The following DST variants were observed in gnomAD, a reference collection of about 807,000 sequenced individuals.
DST encodes bullous pemphigoid antigen.
DST carries 253 observed loss-of-function variants against 875.2 expected under a neutral mutation model. The ratio of observed to expected loss-of-function variants is 0.29; its 90% CI spans 0.26 to 0.32. The LOEUF is 0.32. Ranked by LOEUF, DST falls within the 10% of genes least tolerant of loss-of-function variation. The pLI is 1.00. For missense variants in DST, 8,287 were observed against 9,111.6 expected (o/e 0.91, Z 3.68); for synonymous variants, 3,124 against 3,197.1 (o/e 0.98, Z 0.77).
intron 74 of DST, 150 bp from the exon 75 acceptor site, chr6:56,508,905 T>C (rs1296971101): frequency 3.2e-6 from 2 of 621,512 alleles, no homozygotes; most frequent in Non-Finnish European, 5.6e-6. Flanking sequence ...CCAGTGGATA[T>C]CAGTGGGTCC....
rs148940512 is a variant in DST at position 56,726,409 on chromosome 6, G to A, written c.687+8819C>T. 4.1e-4 allele frequency among the ~76,000 whole-genome samples: 63 copies of A among 152,314 alleles called. 1 individual carries two copies. In the East Asian group the frequency reaches 0.01, roughly 25 times the overall value. On this transcript the variant is annotated intron_variant, in intron 5 of 103. Transcript: ENST00000680361. The stretch of plus-strand genomic sequence containing the variant: ...GAAAAGAATATCTTAGACCTTCAAA[G>A]AAACCTGGCTACATCTACAATAAGA...
chr6:56,498,797 A>C (rs2096011512), intron 80 of DST, among the ~76,000 whole-genome samples: 1 of 152,142 alleles, frequency 6.6e-6, no homozygotes, highest in African/African-American at 2.4e-5. Context: ...CTAAGTTGAA[A>C]TATTGGAAGG....
Position 56,660,197 on chromosome 6 carries a change from C to T in DST, c.1215-8953G>A, listed in dbSNP as rs540601240. Among the ~76,000 whole-genome samples the T allele has an allele frequency of 5.3e-5, 8 of 152,292 alleles. No homozygotes were observed. In the South Asian group the frequency reaches 1.2e-3, roughly 24 times the overall value. ...GAAATCAATCTACCCTGAAGTATCG[C>T]TTTCTCTGGTGTGCTTCCTGTGTGG... On this transcript the variant is annotated intron_variant, in intron 10 of 103. Transcript: ENST00000680361.
chr6:56,870,484 C>G (rs564465242), intron 3 of DST, among the ~76,000 whole-genome samples: 2 of 150,510 alleles, frequency 1.3e-5, no homozygotes, highest in African/African-American at 4.9e-5. Context: ...ACAAAGCAGC[C>G]AGGCACAGTG....
intron 4 of DST, among the ~76,000 whole-genome samples, chr6:56,801,117 G>C (rs71564855): frequency 0.17 from 25,208 of 149,052 alleles, 2,329 homozygotes; most frequent in Non-Finnish European, 0.19. Context: ...ACATTATGTT[G>C]CCCCAAAGAA....
intron 57 of DST, 86 bp downstream of exon 57, chr6:56,561,222 A>G: frequency 7.1e-7 from 1 of 1,416,708 alleles, no homozygotes; most frequent in Non-Finnish European, 9.4e-7. Context: ...AAGAAAACAG[A>G]GCAGAGCTTC....
In DST at chr6:56,615,797, T is replaced by G. The variant is rs2098608632; in HGVS notation, c.4930-1313A>C. 3 of 1,614,136 alleles carry G rather than the reference T, an allele frequency of 1.9e-6. No individual in the cohort carries two copies. The highest frequency in any genetic ancestry group is 2.5e-6 in the Non-Finnish European group (3 of 1,180,012). ...CAACCCTCCTGTCAAGTACTGAAATTCCAAACATCGGATTCCCATTTCCTT... is the reference window on the plus strand; with the variant it reads ...CAACCCTCCTGTCAAGTACTGAAATGCCAAACATCGGATTCCCATTTCCTT... On this transcript the variant is annotated intron_variant, in intron 36 of 103. Coordinates refer to ENST00000680361, the MANE Select transcript of DST (RefSeq NM_001374736.1).
chr6:56,869,950 T>C (rs1015063096), intron 3 of DST, among the ~76,000 whole-genome samples: 3 of 152,120 alleles, frequency 2.0e-5, no homozygotes, highest in African/African-American at 7.2e-5. Context: ...CCTCCTAAAG[T>C]GCTGGGATTA....
At chr6:56,661,815 T>C (rs111517916) in intron 10 of DST, among the ~76,000 whole-genome samples, 18,672 of 152,148 alleles carry the variant, frequency 0.12, 2,514 homozygotes, top group African/African-American at 0.34. Flanking sequence ...CTTGAACTCC[T>C]GACCTCGGGT....
At chr6:56,927,103 A>T (rs957096357) in intron 2 of DST, among the ~76,000 whole-genome samples, 1 of 152,228 alleles carries the variant, frequency 6.6e-6, no homozygotes, top group African/African-American at 2.4e-5. Context: ...TGCCTGTTTC[A>T]CAGTTTGATC....
At chr6:56,738,461 C>T (rs1041942291) in intron 4 of DST, among the ~76,000 whole-genome samples, 1 of 152,166 alleles carries the variant, frequency 6.6e-6, no homozygotes, top group Admixed American at 6.5e-5. Flanking sequence ...GCTGGGACTA[C>T]AGGCATGTGC....
At position 56,646,198 on chromosome 6, in the gene DST, C is replaced by A. The variant is rs1200739041; in HGVS notation, c.1555-16G>T. 1.4e-6 allele frequency: 2 copies of A among 1,388,768 alleles called. No homozygotes were observed. The highest frequency in any genetic ancestry group is 2.9e-5 in the African/African-American group (2 of 68,102). 86.0% of individuals were successfully genotyped at this position (1,388,768 alleles called of 1,614,324 possible). On this transcript the variant is annotated splice_polypyrimidine_tract_variant and intron_variant, in intron 13 of 103. Transcript: ENST00000680361. ...TATAAAGTGCCTAAAATAAAAAGGA[C>A]AAGAAATTAAGGACCAAACTTAAAA...
At chr6:56,494,278 T>C in intron 82 of DST, 98 bp from the exon 83 acceptor site, 1 of 1,159,620 alleles carries the variant, frequency 8.6e-7, no homozygotes, top group African/African-American at 1.5e-5. Flanking sequence ...CATCATATAT[T>C]CATCTCTGTT....
chr6:56,834,299 A>G (rs1321198004), intron 4 of DST, among the ~76,000 whole-genome samples: 1 of 152,200 alleles, frequency 6.6e-6, no homozygotes, highest in African/African-American at 2.4e-5. Context: ...ACAGATGACA[A>G]GCATATAAAA....
chr6:56,539,613 A>G (rs909584474), intron 61 of DST, among the ~76,000 whole-genome samples: 1 of 152,198 alleles, frequency 6.6e-6, no homozygotes, highest in Non-Finnish European at 1.5e-5. Flanking sequence ...GTTTAGTAAA[A>G]GTACCAAAAC....
Position 56,606,339 on chromosome 6 carries a change from G to A in DST, c.8289C>T (p.Gly2763=). The A allele has an allele frequency of 6.2e-7, 1 of 1,612,464 alleles. No individual in the cohort carries two copies. The highest frequency in any genetic ancestry group is 8.5e-7 in the Non-Finnish European group (1 of 1,179,240). ...FTASLKFDDS[G]SWRGRKEEYV... ...ACTCTTCCTTTCTTCCTCTCCAACTGCCACTGTCATCAAATTTTAATGATG... is the reference window on the plus strand; with the variant it reads ...ACTCTTCCTTTCTTCCTCTCCAACTACCACTGTCATCAAATTTTAATGATG... Residue 2763 remains glycine (G), a synonymous_variant, in exon 40 of 104, where the codon GGC becomes GGT. Transcript: ENST00000680361.
At chr6:56,858,313 A>T (rs1049450311) in intron 3 of DST, among the ~76,000 whole-genome samples, 2 of 152,152 alleles carry the variant, frequency 1.3e-5, no homozygotes, top group Non-Finnish European at 2.9e-5. Flanking sequence ...AGAGAAGCCC[A>T]GTTCATCAGC....
At chr6:56,771,914 AG>A (rs1474761236) in intron 4 of DST, among the ~76,000 whole-genome samples, 1 of 152,220 alleles carries the variant, frequency 6.6e-6, no homozygotes, top group African/African-American at 2.4e-5. Context: ...ATTGCATTGA[AG>A]AGTCACTAGA....
intron 4 of DST, among the ~76,000 whole-genome samples, chr6:56,821,963 T>C (rs1388011501): frequency 6.7e-6 from 1 of 149,040 alleles, no homozygotes; most frequent in African/African-American, 2.5e-5. Flanking sequence ...GTCTTTAATA[T>C]GCACTTTATC....
Sources: allele counts gnomAD v4.1 joint callset (sites outside exome capture counted in the v4.1 genomes callset), GRCh38; gene constraint gnomAD v4.1.1; transcripts MANE v1.5; gene names NCBI Gene and HGNC (gene_info 2026-07-23, HGNC 2026-07-21).